The following CFAP44 variants were observed in gnomAD, a reference collection of about 807,000 sequenced individuals.
The protein encoded by CFAP44 is cilia and flagella associated protein 44, also known as cilia- and flagella-associated protein 44.
CFAP44 carries 134 observed loss-of-function variants against 216.2 expected under a neutral mutation model. The observed-to-expected ratio is 0.62, with a 90% CI of 0.54 to 0.72. The LOEUF is 0.72. Among genes scored for constraint, CFAP44 ranks in the 30% least tolerant of loss-of-function variants. The probability of loss-of-function intolerance (pLI) is 0.00; values close to 1 mark genes in which losing one functional copy is unlikely to be tolerated. For synonymous variants in CFAP44, 700 were observed against 727.6 expected (o/e 0.96, Z 0.61); for missense variants, 2,035 against 2,182.1 (o/e 0.93, Z 1.34).
At chr3:113,357,620 C>G (rs1419387715) in intron 22 of CFAP44, among the ~76,000 whole-genome samples, 3 of 152,182 alleles carry the variant, frequency 2.0e-5, no homozygotes, top group African/African-American at 4.8e-5. Flanking sequence ...GCCTCCAGAA[C>G]TGCGAGACAG....
chr3:113,387,192 G>A (rs1933672827), intron 15 of CFAP44, among the ~76,000 whole-genome samples: 1 of 152,232 alleles, frequency 6.6e-6, no homozygotes, highest in South Asian at 2.1e-4. Flanking sequence ...ATGCAATATA[G>A]TGAGACACCA....
At chr3:113,425,158 A>G (rs1049467291) in intron 4 of CFAP44, among the ~76,000 whole-genome samples, 3 of 152,242 alleles carry the variant, frequency 2.0e-5, no homozygotes, top group Non-Finnish European at 4.4e-5. Context: ...AAGATAAATC[A>G]GCACGAATTA....
chr3:113,296,608 G>A (rs1269772972), intron 33 of CFAP44, 117 bp downstream of exon 33: 2 of 1,203,346 alleles, frequency 1.7e-6, no homozygotes, highest in Non-Finnish European at 2.3e-6. Context: ...GCAGCCAAAG[G>A]GGGCTCGCGG....
chr3:113,379,645 A>G (rs992960005), intron 16 of CFAP44, 94 bp from the exon 17 acceptor site: 1 of 959,598 alleles, frequency 1.0e-6, no homozygotes, highest in African/African-American at 1.7e-5. Flanking sequence ...GAAAGAAGAT[A>G]CACAGCTCTG....
intron 1 of CFAP44, among the ~76,000 whole-genome samples, chr3:113,440,186 C>G (rs1017701049): frequency 6.6e-6 from 1 of 152,134 alleles, no homozygotes; most frequent in African/African-American, 2.4e-5. Context: ...GCCTCAGCCT[C>G]CCGAGTAGCT....
rs1950011608 is a variant in CFAP44 at position 113,308,818 on chromosome 3, C to A, written c.4517-550G>T. On this transcript the variant is annotated intron_variant, in intron 28 of 34. Transcript: ENST00000393845. ...ACAGGGTTTCGCCATGTTGCCCAGGCCGATCTTGAACTCCTGGGCTCAAGG... is the reference window on the plus strand; with the variant it reads ...ACAGGGTTTCGCCATGTTGCCCAGGACGATCTTGAACTCCTGGGCTCAAGG... Among the ~76,000 whole-genome samples, 8 of 152,136 alleles carry A rather than the reference C, an allele frequency of 5.3e-5. No individual in the cohort carries two copies. The South Asian group carries it at 1.5e-3, about 28-fold the overall frequency.
At chr3:113,379,785 A>AT (rs796532705) in intron 16 of CFAP44, among the ~76,000 whole-genome samples, 2 of 152,112 alleles carry the variant, frequency 1.3e-5, no homozygotes, top group African/African-American at 4.8e-5. Flanking sequence ...TTATTTGGTC[A>AT]TTTTTTTCAT....
At chr3:113,326,226 T>C (rs1406801398) in intron 28 of CFAP44, among the ~76,000 whole-genome samples, 1 of 152,202 alleles carries the variant, frequency 6.6e-6, no homozygotes, top group Non-Finnish European at 1.5e-5. Context: ...CAGATACACA[T>C]AAACATGTGC....
chr3:113,395,889 T>C, intron 14 of CFAP44, 29 bp from the exon 15 acceptor site: 2 of 1,517,470 alleles, frequency 1.3e-6, no homozygotes, highest in Non-Finnish European at 1.8e-6. Context: ...ACCGACGAAA[T>C]ATATATTACT....
intron 15 of CFAP44, among the ~76,000 whole-genome samples, chr3:113,389,943 A>T (rs938389723): frequency 6.6e-6 from 1 of 151,962 alleles, no homozygotes; most frequent in African/African-American, 2.4e-5. Flanking sequence ...AATACCAATC[A>T]TGCTCAAACT....
At chr3:113,319,254 A>AT (rs1950119096) in intron 28 of CFAP44, among the ~76,000 whole-genome samples, 1 of 152,256 alleles carries the variant, frequency 6.6e-6, no homozygotes, top group Admixed American at 6.5e-5. Flanking sequence ...TACCATGTAA[A>AT]TGGAAAACAA....
chr3:113,324,042 C>CAAAAAAAAAA (rs200919084), intron 28 of CFAP44, among the ~76,000 whole-genome samples: 34 of 71,812 alleles, frequency 4.7e-4, no homozygotes, highest in South Asian at 1.1e-3. Flanking sequence ...GACTCCGTCT[C>CAAAAAAAAAA]AAAAAAAAAA....
Position 113,379,292 on chromosome 3 carries a change from A to G in CFAP44, c.2298+14T>C. The stretch of plus-strand genomic sequence containing the variant: ...AAATATGATTGAGGTAAAAATTATT[A>G]CATTGTTACTTACCAAAGAAACCCA... On this transcript the variant is annotated intron_variant, in intron 17 of 34. Coordinates refer to ENST00000393845, the MANE Select transcript of CFAP44 (RefSeq NM_001164496.2). The G allele has an allele frequency of 6.6e-7, 1 of 1,504,568 alleles. No individual in the cohort carries two copies. Among genetic ancestry groups the G allele is most frequent in the Non-Finnish European group, 8.9e-7 (1 of 1,120,930 alleles). 93.2% of individuals were successfully genotyped at this position (1,504,568 alleles called of 1,614,324 possible).
intron 28 of CFAP44, among the ~76,000 whole-genome samples, chr3:113,320,652 TA>T (rs1950138101): frequency 6.6e-6 from 1 of 151,706 alleles, no homozygotes; most frequent in African/African-American, 2.4e-5. Context: ...CACAAGGTCC[TA>T]AAATAGACTG....
chr3:113,335,909 C>T (rs934044937), intron 24 of CFAP44, among the ~76,000 whole-genome samples: 1 of 152,106 alleles, frequency 6.6e-6, no homozygotes, highest in South Asian at 2.1e-4. Context: ...CCACAAACAA[C>T]TAAATTAGAA....
At chr3:113,424,154 A>AG (rs1934896187) in intron 4 of CFAP44, among the ~76,000 whole-genome samples, 1 of 152,140 alleles carries the variant, frequency 6.6e-6, no homozygotes, top group Non-Finnish European at 1.5e-5. Context: ...ACTGAAGTAG[A>AG]GGGCTAGGCG....
At chr3:113,376,429 T>C (rs571800151) in intron 17 of CFAP44, among the ~76,000 whole-genome samples, 2 of 152,308 alleles carry the variant, frequency 1.3e-5, no homozygotes, top group East Asian at 3.9e-4. Flanking sequence ...CATGAGACTG[T>C]GTAGTTACCT....
chr3:113,294,543 T>C, intron 34 of CFAP44, 144 bp downstream of exon 34: 2 of 1,083,116 alleles, frequency 1.8e-6, no homozygotes, highest in South Asian at 3.8e-5. Context: ...ACCAACTCAG[T>C]GTCCTCGGGG....
At chr3:113,317,506 C>G (rs1950099891) in intron 28 of CFAP44, among the ~76,000 whole-genome samples, 1 of 152,218 alleles carries the variant, frequency 6.6e-6, no homozygotes, top group South Asian at 2.1e-4. Context: ...ACAACACAGC[C>G]TTTGCAGCCC....
Sources: gnomAD v4.1 joint callset for allele counts (sites outside exome capture counted in the v4.1 genomes callset) on GRCh38, gnomAD v4.1.1 for gene constraint, MANE v1.5 for transcripts, NCBI Gene and HGNC (gene_info 2026-07-23, HGNC 2026-07-21) for gene names.